MAST2: variants seen among roughly 807,000 people sequenced by gnomAD.
MAST2 encodes the protein microtubule-associated serine/threonine-protein kinase 2.
A neutral mutation model predicts 147.4 loss-of-function variants in MAST2; 70 were observed. That is an observed-to-expected ratio of 0.47 (90% CI 0.39 to 0.58). The LOEUF (loss-of-function observed/expected upper bound fraction) is 0.58, where lower values mean the gene tolerates loss of function less well. Among genes scored for constraint, MAST2 ranks in the 20% least tolerant of loss-of-function variants. The pLI, the probability that MAST2 is intolerant of heterozygous loss-of-function variation, is 0.00. For missense variants in MAST2, 2,080 were observed against 2,302.3 expected, an observed-to-expected ratio of 0.90 and a Z score of 1.98; for synonymous variants, 869 against 896.8, an observed-to-expected ratio of 0.97 and a Z score of 0.55.
In MAST2 at chr1:46,034,645, C is replaced by G. The variant is rs955440384; in HGVS notation, c.3976C>G (p.Leu1326Val). The change falls in exon 29 of 29, where the codon CTC becomes GTC. Residue 1326 changes from leucine (L) to valine (V), a missense_variant. Coordinates refer to ENST00000361297, the MANE Select transcript of MAST2 (RefSeq NM_015112.3). ...CTCCCTCCACGGTCTGGCACCCAAG[C>G]TCCAACGCCAGTACCGCTCTCCACG... ...PSSLHGLAPK[L>V]QRQYRSPRRK... is the part of the protein sequence containing the mutation. The G allele has an allele frequency of 4.3e-6, 7 of 1,614,176 alleles. No individual in the cohort carries two copies. The highest frequency in any genetic ancestry group is 5.9e-6 in the Non-Finnish European group (7 of 1,180,028).
chr1:45,841,039 G>T (rs1357006229), intron 3 of MAST2, among the ~76,000 whole-genome samples: 2 of 152,092 alleles, frequency 1.3e-5, no homozygotes, highest in Middle Eastern at 3.2e-3. Context: ...GGACCTCTTG[G>T]GCTTGAGTGA....
At position 45,882,348 on chromosome 1, in the gene MAST2, ATGTTT is replaced by A; in HGVS notation, c.469-9_469-5del. ...ATGGGTTCTTATTTCTAACTTGCAT[ATGTTT>A]TGTTTTTCAGAAGGAGTTGAGCCTT... On this transcript the variant is annotated splice_polypyrimidine_tract_variant and intron_variant, in intron 3 of 28. Transcript: ENST00000361297. The A allele has an allele frequency of 6.2e-7, 1 of 1,606,554 alleles. No individual in the cohort carries two copies. Among genetic ancestry groups the A allele is most frequent in the Non-Finnish European group, 8.5e-7 (1 of 1,173,344 alleles).
At chr1:45,994,840 A>T (rs965539983) in intron 5 of MAST2, among the ~76,000 whole-genome samples, 3 of 139,340 alleles carry the variant, frequency 2.2e-5, no homozygotes, top group Admixed American at 7.2e-5. Context: ...ATCTTCCATA[A>T]TTTTTTTTTT....
intron 4 of MAST2, among the ~76,000 whole-genome samples, chr1:45,943,361 CA>C (rs879538941): frequency 2.6e-5 from 4 of 152,214 alleles, no homozygotes; most frequent in Admixed American, 6.5e-5. Context: ...ATAGTTTGGT[CA>C]GGGGCATCCA....
At chr1:45,945,456 G>A (rs1233044632) in intron 4 of MAST2, among the ~76,000 whole-genome samples, 1 of 152,180 alleles carries the variant, frequency 6.6e-6, no homozygotes, top group Non-Finnish European at 1.5e-5. Flanking sequence ...AAAGTGGGGG[G>A]CCTGGTCCTT....
intron 1 of MAST2, among the ~76,000 whole-genome samples, chr1:45,816,560 A>T (rs1570195031): frequency 6.6e-6 from 1 of 152,220 alleles, no homozygotes; most frequent in African/African-American, 2.4e-5. Context: ...TTCAGCAAAG[A>T]AATGGAAATA....
chr1:45,890,006 A>G (rs548453081), intron 4 of MAST2, among the ~76,000 whole-genome samples: 3 of 152,270 alleles, frequency 2.0e-5, no homozygotes, highest in African/African-American at 7.2e-5. Context: ...GCCTCCCAAA[A>G]GTGCTGGGAT....
At position 46,035,298 on chromosome 1, in the gene MAST2, A is replaced by C. The variant is rs772260255; in HGVS notation, c.4629A>C (p.Glu1543Asp). 1 of 1,613,998 alleles carries C rather than the reference A, an allele frequency of 6.2e-7. No individual in the cohort carries two copies. The highest frequency in any genetic ancestry group is 1.7e-5 in the Admixed American group (1 of 60,018). ...VAPKGAGESG[E>D]EDPFPSRDPR... is the part of the protein sequence containing the mutation. ...CTAAAGGAGCAGGAGAGAGTGGGGA[A>C]GAGGATCCTTTCCCGTCCAGAGACC... The change falls in exon 29 of 29, where the codon GAA (glutamate) becomes GAC (aspartate). Residue 1543 changes from glutamate (E) to aspartate (D), a missense_variant. Glu to Asp is a conservative substitution (Grantham distance 45, BLOSUM62 2). Transcript: ENST00000361297. This position sits in a 1 kb window ranked among gnomAD's most constrained non-coding sequence, Gnocchi z 5.5.
At chr1:45,968,786 C>T (rs1347874507) in intron 5 of MAST2, among the ~76,000 whole-genome samples, 1 of 150,230 alleles carries the variant, frequency 6.7e-6, no homozygotes, top group Non-Finnish European at 1.5e-5. Flanking sequence ...AAATAATTCC[C>T]TTCCTTTCTC....
At chr1:45,914,645 G>GGCTT (rs1652194971) in intron 4 of MAST2, among the ~76,000 whole-genome samples, 1 of 152,104 alleles carries the variant, frequency 6.6e-6, no homozygotes, top group African/African-American at 2.4e-5. Flanking sequence ...GAGACAGACA[G>GGCTT]GCTTCTTCAG....
In MAST2 at chr1:46,023,141, T is replaced by A; in HGVS notation, c.1486-92T>A. The A allele has an allele frequency of 1.5e-6, 2 of 1,309,616 alleles. No individual in the cohort carries two copies. Among genetic ancestry groups the A allele is most frequent in the Non-Finnish European group, 2.2e-6 (2 of 903,824 alleles). The allele number at this position is 1,309,616 out of a possible 1,614,324, so 81.1% of individuals were successfully genotyped here. A position where few individuals can be genotyped will look rare whatever the true frequency, so the allele number is the denominator to read the frequency against. On this transcript the variant is annotated intron_variant, in intron 13 of 28. Transcript: ENST00000361297. The surrounding 1 kb of genome is among the most constrained non-coding windows in gnomAD (Gnocchi z 4.9). ...AATGAGCAGGAGACTGCACTAGAGC[T>A]GACAGCTGAGAAGATGCTAGAGCCA...
chr1:46,032,069 C>G lies in MAST2; in HGVS notation c.3188-109C>G, dbSNP rs1035280744. ...GTCAGGGGCTGTGGGGAAAATGGAC[C>G]TAGGCTCAGGCTCTGTCTGTGACTA... On this transcript the variant is annotated intron_variant, in intron 24 of 28. Transcript: ENST00000361297. 5 of 848,694 alleles carry G rather than the reference C, an allele frequency of 5.9e-6. No individual in the cohort carries two copies. In the African/African-American group the frequency reaches 6.6e-5, roughly 11 times the overall value. The allele number at this position is 848,694 out of a possible 1,614,324, so 52.6% of individuals were successfully genotyped here.
chr1:45,849,456 T>G (rs943698649), intron 3 of MAST2, among the ~76,000 whole-genome samples: 1 of 151,702 alleles, frequency 6.6e-6, no homozygotes, highest in Admixed American at 6.6e-5. Flanking sequence ...GTGACAAAAC[T>G]GACAAAAACA....
intron 3 of MAST2, among the ~76,000 whole-genome samples, chr1:45,866,977 C>T (rs950154514): frequency 6.6e-6 from 1 of 152,150 alleles, no homozygotes; most frequent in African/African-American, 2.4e-5. Flanking sequence ...TCTCAAACTC[C>T]TGACCTCAGG....
intron 26 of MAST2, 90 bp downstream of exon 26, chr1:46,032,808 G>A: frequency 1.4e-6 from 2 of 1,442,704 alleles, no homozygotes; most frequent in Non-Finnish European, 1.9e-6. Flanking sequence ...TGAGTTGGGT[G>A]CACACACATC....
chr1:45,872,813 C>T (rs577851380), intron 3 of MAST2, among the ~76,000 whole-genome samples: 3 of 152,146 alleles, frequency 2.0e-5, no homozygotes, highest in Admixed American at 1.3e-4. Flanking sequence ...TTATTTAATA[C>T]CTTTAGAAGT....
intron 5 of MAST2, among the ~76,000 whole-genome samples, chr1:45,961,823 C>T (rs954240979): frequency 2.6e-5 from 4 of 151,946 alleles, no homozygotes; most frequent in African/African-American, 9.7e-5. Flanking sequence ...GCACAACTTA[C>T]AGGTTTGTTA....
At chr1:45,958,538 A>C (rs1243469813) in intron 4 of MAST2, among the ~76,000 whole-genome samples, 72 of 105,278 alleles carry the variant, frequency 6.8e-4, no homozygotes, top group South Asian at 2.2e-3. Context: ...CTCTCCCTCT[A>C]TCCCCCTCTC....
intron 1 of MAST2, among the ~76,000 whole-genome samples, chr1:45,805,014 C>A (rs1644097415): frequency 6.6e-6 from 1 of 151,518 alleles, no homozygotes; most frequent in African/African-American, 2.4e-5. Context: ...AGGTCTCTTA[C>A]CTCTTTTCTC....
Sources: allele counts gnomAD v4.1 joint callset (sites outside exome capture counted in the v4.1 genomes callset), GRCh38; gene constraint gnomAD v4.1.1; non-coding constraint Gnocchi (gnomAD v3.1); transcripts MANE v1.5; gene names NCBI Gene and HGNC (gene_info 2026-07-23, HGNC 2026-07-21).